The following DLG2 variants were observed in gnomAD, a reference collection of about 807,000 sequenced individuals.
DLG2 encodes discs large MAGUK scaffold protein 2, also known as disks large homolog 2.
Under a neutral mutation model 132.5 loss-of-function variants are expected in DLG2, and 45 were observed. The ratio of observed to expected loss-of-function variants is 0.34; its 90% CI spans 0.27 to 0.44. The LOEUF (loss-of-function observed/expected upper bound fraction) is 0.44, where lower values mean the gene tolerates loss of function less well. Ranked by LOEUF, DLG2 falls within the 20% of genes least tolerant of loss-of-function variation. The probability of loss-of-function intolerance (pLI) is 1.00; values close to 1 mark genes in which losing one functional copy is unlikely to be tolerated. For missense variants in DLG2, 1,045 were observed against 1,196.9 expected (o/e 0.87, Z 1.87); for synonymous variants, 424 against 419.6 (o/e 1.01, Z -0.13).
chr11:83,477,122 C>T (rs1459028454), intron 22 of DLG2, among the ~76,000 whole-genome samples: 1 of 152,092 alleles, frequency 6.6e-6, no homozygotes, highest in Non-Finnish European at 1.5e-5. Flanking sequence ...AGCTTGCACA[C>T]ATCCATGATG....
intron 7 of DLG2, among the ~76,000 whole-genome samples, chr11:84,412,514 C>T (rs1164997943): frequency 2.6e-5 from 4 of 152,180 alleles, no homozygotes; most frequent in African/African-American, 9.7e-5. Flanking sequence ...ACAAAGCAAC[C>T]TAGGCTTGGT....
At chr11:83,511,638 T>C (rs189679521) in intron 21 of DLG2, among the ~76,000 whole-genome samples, 30 of 152,184 alleles carry the variant, frequency 2.0e-4, no homozygotes, top group African/African-American at 6.0e-4. Flanking sequence ...TTGTCAAATA[T>C]TACACTCAGC....
intron 6 of DLG2, among the ~76,000 whole-genome samples, chr11:84,975,256 A>G (rs2054724668): frequency 6.6e-6 from 1 of 152,178 alleles, no homozygotes; most frequent in African/African-American, 2.4e-5. Flanking sequence ...CACAAAAGCA[A>G]TGGGCTCAGC....
At chr11:84,596,238 G>A (rs1319902307) in intron 6 of DLG2, among the ~76,000 whole-genome samples, 1 of 146,164 alleles carries the variant, frequency 6.8e-6, no homozygotes, top group Non-Finnish European at 1.5e-5. Flanking sequence ...ACGGAGCTTT[G>A]CTCTTATCAC....
At chr11:84,272,729 T>C (rs891495705) in intron 7 of DLG2, among the ~76,000 whole-genome samples, 2 of 152,176 alleles carry the variant, frequency 1.3e-5, no homozygotes, top group Non-Finnish European at 2.9e-5. Context: ...TTACTTGGAG[T>C]AAAGAATAGC....
At chr11:84,177,375 C>G (rs1311939288) in intron 8 of DLG2, among the ~76,000 whole-genome samples, 1 of 152,112 alleles carries the variant, frequency 6.6e-6, no homozygotes, top group Non-Finnish European at 1.5e-5. Context: ...TCTGCTAATG[C>G]TGTTTCTCTG....
At chr11:85,395,605 C>A (rs938309646) in intron 3 of DLG2, among the ~76,000 whole-genome samples, 1 of 152,234 alleles carries the variant, frequency 6.6e-6, no homozygotes, top group Non-Finnish European at 1.5e-5. Context: ...GAGATACCCT[C>A]CCATGCCTGA....
intron 4 of DLG2, among the ~76,000 whole-genome samples, chr11:85,207,293 T>A (rs2081961513): frequency 6.6e-6 from 1 of 152,174 alleles, no homozygotes; most frequent in Admixed American, 6.6e-5. Context: ...AAGGCACAAT[T>A]GTGAAGCAAA....
intron 6 of DLG2, among the ~76,000 whole-genome samples, chr11:84,752,960 G>T (rs938776657): frequency 1.3e-5 from 2 of 151,836 alleles, no homozygotes; most frequent in African/African-American, 4.8e-5. Flanking sequence ...TCTTAATCCA[G>T]TCTATCATTG....
chr11:83,463,396 G>A (rs2090416476), intron 26 of DLG2, among the ~76,000 whole-genome samples: 1 of 152,180 alleles, frequency 6.6e-6, no homozygotes, highest in Non-Finnish European at 1.5e-5. Context: ...AGTCTCAGCT[G>A]TACATGCTGT....
chr11:84,623,054 CT>C (rs2099616604), intron 6 of DLG2, among the ~76,000 whole-genome samples: 1 of 152,158 alleles, frequency 6.6e-6, no homozygotes, highest in African/African-American at 2.4e-5. Context: ...AGTCTCTCTG[CT>C]TTCCAGTGGA....
At chr11:83,952,207 G>A (rs1472479024) in intron 14 of DLG2, among the ~76,000 whole-genome samples, 2 of 152,052 alleles carry the variant, frequency 1.3e-5, no homozygotes, top group Non-Finnish European at 2.9e-5. Context: ...TTAGCCCAGC[G>A]TGGTGGCATA....
intron 21 of DLG2, among the ~76,000 whole-genome samples, chr11:83,520,952 A>G (rs1050570870): frequency 2.6e-5 from 4 of 152,192 alleles, no homozygotes; most frequent in African/African-American, 9.7e-5. Flanking sequence ...CTGCCTAAGA[A>G]GAATAGATCA....
intron 6 of DLG2, among the ~76,000 whole-genome samples, chr11:84,915,445 C>T (rs980970360): frequency 2.0e-5 from 3 of 152,158 alleles, no homozygotes; most frequent in Non-Finnish European, 2.9e-5. Flanking sequence ...ATGTTGCAAT[C>T]CAGCATTTGG....
chr11:84,083,619 G>C (rs1594872601), intron 10 of DLG2, among the ~76,000 whole-genome samples: 7 of 152,248 alleles, frequency 4.6e-5, no homozygotes, highest in Admixed American at 4.6e-4. Context: ...TGGTTATAAA[G>C]CAAGTCTGGC....
At chr11:83,906,319 A>ACACACC (rs1565586904) in intron 15 of DLG2, among the ~76,000 whole-genome samples, 2 of 65,874 alleles carry the variant, frequency 3.0e-5, no homozygotes, top group South Asian at 4.1e-4. Flanking sequence ...ACACACACAC[A>ACACACC]CCTCGGCCTC....
intron 3 of DLG2, among the ~76,000 whole-genome samples, chr11:85,301,038 T>G (rs2079554144): frequency 6.6e-6 from 1 of 151,940 alleles, no homozygotes; most frequent in South Asian, 2.1e-4. Context: ...TCATCTCTAC[T>G]AAAAATACAA....
At chr11:84,731,631 C>T (rs1194230131) in intron 6 of DLG2, among the ~76,000 whole-genome samples, 2 of 151,726 alleles carry the variant, frequency 1.3e-5, no homozygotes, top group East Asian at 3.9e-4. Context: ...AAACGTAATA[C>T]AGAAAATAAG....
At chr11:83,580,205 T>G (rs1199656132) in intron 19 of DLG2, among the ~76,000 whole-genome samples, 1 of 152,188 alleles carries the variant, frequency 6.6e-6, no homozygotes, top group Non-Finnish European at 1.5e-5. Flanking sequence ...ATCATTGTAC[T>G]CATGTACAGT....
Sources: gnomAD v4.1 joint callset for allele counts (sites outside exome capture counted in the v4.1 genomes callset) on GRCh38, gnomAD v4.1.1 for gene constraint, MANE v1.5 for transcripts, NCBI Gene and HGNC (gene_info 2026-07-23, HGNC 2026-07-21) for gene names.